The following LSAMP variants were observed in gnomAD, a reference collection of about 807,000 sequenced individuals.
LSAMP encodes limbic system associated membrane protein.
LSAMP carries 7 observed loss-of-function variants against 38.6 expected under a neutral mutation model. The ratio of observed to expected loss-of-function variants is 0.18; its 90% confidence interval spans 0.10 to 0.34. The LOEUF (loss-of-function observed/expected upper bound fraction) is 0.34. Among genes scored for constraint, LSAMP ranks in the 10% least tolerant of loss-of-function variants. The pLI is 1.00. For synonymous variants in LSAMP, 154 were observed against 166.8 expected (o/e 0.92, Z 0.59); for missense variants, 313 against 420.0 (o/e 0.75, Z 2.23).
chr3:116,351,584 T>C (rs962604449), intron 1 of LSAMP, among the ~76,000 whole-genome samples: 3 of 152,052 alleles, frequency 2.0e-5, no homozygotes, highest in African/African-American at 7.2e-5. Flanking sequence ...CTCATCAGCC[T>C]GGACTAAACA....
At chr3:116,164,576 T>TATATATATATATATATAATCCAA (rs1559766237) in intron 1 of LSAMP, among the ~76,000 whole-genome samples, 26 of 17,336 alleles carry the variant, frequency 1.5e-3, no homozygotes, top group Non-Finnish European at 3.1e-3. Context: ...AATCCAAATA[T>TATATATATATATATATAATCCAA]ATATATATAT....
chr3:115,953,763 C>T (rs6769601), intron 3 of LSAMP, among the ~76,000 whole-genome samples: 117,845 of 152,204 alleles, frequency 0.77, 48,811 homozygotes, highest in East Asian at 0.98. Context: ...AAGTCTTTTT[C>T]ATAAGAGGGA....
At chr3:115,955,191 C>T (rs1938417200) in intron 3 of LSAMP, among the ~76,000 whole-genome samples, 1 of 152,172 alleles carries the variant, frequency 6.6e-6, no homozygotes, top group Admixed American at 6.5e-5. Context: ...GCTTCGGCCT[C>T]CCAAAGTGCT....
Position 115,829,064 on chromosome 3 carries a change from A to G in LSAMP, c.919+12781T>C, listed in dbSNP as rs576854027. On this transcript the variant is annotated intron_variant, in intron 6 of 6. Coordinates refer to ENST00000490035, the MANE Select transcript of LSAMP (RefSeq NM_002338.5). ...AGCTTGAAGCTAAATGTAAATTTTGAGAGAAATAACACTTCCAAGCCCTTG... is the reference window on the plus strand; with the variant it reads ...AGCTTGAAGCTAAATGTAAATTTTGGGAGAAATAACACTTCCAAGCCCTTG... Among the ~76,000 whole-genome samples the G allele has an allele frequency of 2.6e-5, 4 of 152,338 alleles. No individual in the cohort carries two copies. In the South Asian group the frequency reaches 8.3e-4, roughly 32 times the overall value.
intron 3 of LSAMP, among the ~76,000 whole-genome samples, chr3:115,864,537 A>G (rs911319993): frequency 2.6e-5 from 4 of 152,166 alleles, no homozygotes; most frequent in African/African-American, 9.7e-5. Context: ...CCCTAATGAT[A>G]TGAACTATAA....
In LSAMP at chr3:116,271,124, A is replaced by AAATT. The variant is rs527923922; in HGVS notation, c.155+173749_155+173752dup. 1.2e-4 allele frequency among the ~76,000 whole-genome samples: 18 copies of AAATT among 152,246 alleles called. No individual in the cohort carries two copies. In the South Asian group the frequency reaches 3.7e-3, roughly 32 times the overall value. Reference sequence around the variant, plus strand: ...TCTAAAGAGTTGATGGCCAAGAAGGAAATTAATTCAAGACTTAAGACAATA... The same window carrying AAATT: ...TCTAAAGAGTTGATGGCCAAGAAGGAAATTAATTAATTCAAGACTTAAGACAATA... On this transcript the variant is annotated intron_variant, in intron 1 of 6. Transcript: ENST00000490035.
At chr3:116,247,104 A>G (rs1299784613) in intron 1 of LSAMP, among the ~76,000 whole-genome samples, 1 of 152,204 alleles carries the variant, frequency 6.6e-6, no homozygotes, top group Non-Finnish European at 1.5e-5. Context: ...CAGGGCTTAC[A>G]TTCCATTTTC....
intron 1 of LSAMP, among the ~76,000 whole-genome samples, chr3:116,194,644 C>T (rs909877166): frequency 6.6e-6 from 1 of 152,186 alleles, no homozygotes; most frequent in Non-Finnish European, 1.5e-5. Flanking sequence ...GATCCGCCCA[C>T]CTCGGCCTCC....
At chr3:116,366,136 A>C (rs913117068) in intron 1 of LSAMP, among the ~76,000 whole-genome samples, 7 of 151,810 alleles carry the variant, frequency 4.6e-5, no homozygotes, top group Non-Finnish European at 1.0e-4. Flanking sequence ...ACAAAAGTCT[A>C]ATATCCAGAG....
At chr3:116,074,122 T>C (rs1707676659) in intron 2 of LSAMP, among the ~76,000 whole-genome samples, 2 of 152,208 alleles carry the variant, frequency 1.3e-5, no homozygotes, top group Non-Finnish European at 2.9e-5. Context: ...GGTTTTGAGT[T>C]CCTTGTATCA....
chr3:116,387,040 A>C (rs1344452238), intron 1 of LSAMP, among the ~76,000 whole-genome samples: 1 of 152,210 alleles, frequency 6.6e-6, no homozygotes, highest in Non-Finnish European at 1.5e-5. Context: ...TGGCAATTAC[A>C]TTTAGAAATA....
At chr3:115,947,459 TTAAAA>T (rs1287161985) in intron 3 of LSAMP, among the ~76,000 whole-genome samples, 4 of 152,128 alleles carry the variant, frequency 2.6e-5, no homozygotes, top group Non-Finnish European at 2.9e-5. Flanking sequence ...CTCATTCATA[TTAAAA>T]TAAAAAGGTG....
chr3:115,939,178 TAATAA>T (rs1376254004), intron 3 of LSAMP, among the ~76,000 whole-genome samples: 2 of 152,126 alleles, frequency 1.3e-5, no homozygotes, highest in African/African-American at 4.8e-5. Flanking sequence ...TTCTAATAAA[TAATAA>T]AATAAATTTA....
chr3:116,370,646 G>A (rs1192344394), intron 1 of LSAMP, among the ~76,000 whole-genome samples: 1 of 152,108 alleles, frequency 6.6e-6, no homozygotes, highest in Non-Finnish European at 1.5e-5. Flanking sequence ...AATATCAGGG[G>A]TCTATGCACT....
rs948754239 is a variant in LSAMP, at chr3:116,089,810, A to T, written c.156-3254T>A. 3.9e-5 allele frequency among the ~76,000 whole-genome samples: 6 copies of T among 152,098 alleles called. No individual in the cohort carries two copies. The East Asian group carries it at 1.2e-3, about 29-fold the overall frequency. ...AATGGAAAAAAAATAAATAAATAAA[A>T]ATAAAATAAAAAGGAAACCACTTCT... On this transcript the variant is annotated intron_variant, in intron 1 of 6. Coordinates refer to ENST00000490035, the MANE Select transcript of LSAMP (RefSeq NM_002338.5).
At chr3:116,098,660 T>TG (rs1434975833) in intron 1 of LSAMP, among the ~76,000 whole-genome samples, 1 of 152,214 alleles carries the variant, frequency 6.6e-6, no homozygotes, top group Non-Finnish European at 1.5e-5. Context: ...ATTATTTTCT[T>TG]CAGCTTTGTC....
intron 1 of LSAMP, among the ~76,000 whole-genome samples, chr3:116,273,687 T>G (rs868533078): frequency 0.018 from 2,128 of 119,858 alleles, 140 homozygotes; most frequent in Middle Eastern, 0.06. Context: ...AAGAGGCATA[T>G]ATATATATAT....
At position 116,397,891 on chromosome 3, in the gene LSAMP, C is replaced by T. The variant is rs114849003; in HGVS notation, c.155+46986G>A. 4.5e-3 allele frequency among the ~76,000 whole-genome samples: 688 copies of T among 152,136 alleles called. 1 individual carries two copies. Among genetic ancestry groups the T allele is most frequent in the Non-Finnish European group, 7.2e-3 (487 of 67,994 alleles). On this transcript the variant is annotated intron_variant, in intron 1 of 6. Coordinates refer to ENST00000490035, the MANE Select transcript of LSAMP (RefSeq NM_002338.5). The stretch of plus-strand genomic sequence containing the variant: ...ACCCCAGGAAAGGCCTGAAATTCTT[C>T]TTGCCTTGAGCACACATCTGTAAAT...
At chr3:116,104,293 C>T (rs1335548183) in intron 1 of LSAMP, among the ~76,000 whole-genome samples, 1 of 152,046 alleles carries the variant, frequency 6.6e-6, no homozygotes, top group East Asian at 1.9e-4. Context: ...AACAGTGTAG[C>T]CTGTTAGCCC....
Sources: gnomAD v4.1 joint callset for allele counts (sites outside exome capture counted in the v4.1 genomes callset) on GRCh38, gnomAD v4.1.1 for gene constraint, MANE v1.5 for transcripts, NCBI Gene and HGNC (gene_info 2026-07-23, HGNC 2026-07-21) for gene names.